Variants in PTPRS observed in about 807,000 individuals in gnomAD.
PTPRS encodes protein tyrosine phosphatase receptor type S.
PTPRS carries 63 observed loss-of-function variants against 215.3 expected under a neutral mutation model. That is an observed-to-expected ratio of 0.29 (90% confidence interval 0.24 to 0.36). The LOEUF (loss-of-function observed/expected upper bound fraction) is 0.36. PTPRS is among the 10% of genes least tolerant of loss of function. The pLI is 1.00. For synonymous variants in PTPRS, 1,404 were observed against 1,191.4 expected (o/e 1.18, Z -3.68); for missense variants, 2,258 against 2,825.8 (o/e 0.80, Z 4.56).
intron 9 of PTPRS, among the ~76,000 whole-genome samples, chr19:5,253,982 G>A (rs1203575458): frequency 6.6e-6 from 1 of 152,112 alleles, no homozygotes; most frequent in Non-Finnish European, 1.5e-5. Flanking sequence ...CTAGTTCAAG[G>A]TCACGTAGCC....
At chr19:5,236,673 G>A (rs984354823) in intron 13 of PTPRS, among the ~76,000 whole-genome samples, 2 of 152,116 alleles carry the variant, frequency 1.3e-5, no homozygotes, top group Admixed American at 6.6e-5. Flanking sequence ...ACCAGAGACT[G>A]CAGAGGCCAC....
At chr19:5,305,269 A>G (rs552022134) in intron 1 of PTPRS, among the ~76,000 whole-genome samples, 1 of 152,224 alleles carries the variant, frequency 6.6e-6, no homozygotes, top group East Asian at 1.9e-4. Flanking sequence ...TTATTTGCCG[A>G]GCATGGTGGC....
intron 1 of PTPRS, among the ~76,000 whole-genome samples, chr19:5,306,161 T>TC (rs1467762541): frequency 1.3e-5 from 2 of 151,082 alleles, no homozygotes; most frequent in African/African-American, 4.9e-5. Context: ...TTTTTTTTTT[T>TC]TGAGACGGAG....
chr19:5,268,388 TA>T (rs1344908796), intron 4 of PTPRS, among the ~76,000 whole-genome samples: 1 of 152,140 alleles, frequency 6.6e-6, no homozygotes, highest in East Asian at 1.9e-4. Context: ...TCTGTTTGTT[TA>T]AAGAATACAC....
intron 21 of PTPRS, 31 bp from the exon 22 acceptor site, chr19:5,220,185 G>A (rs750095035): frequency 1.9e-6 from 3 of 1,608,900 alleles, no homozygotes; most frequent in South Asian, 2.2e-5. Flanking sequence ...GTGGCTCAGA[G>A]CTCAGCTGGG....
Position 5,206,125 on chromosome 19 carries a change from C to A in PTPRS, c.*649G>T, listed in dbSNP as rs372619470. On this transcript the variant is annotated 3_prime_UTR_variant, in exon 38 of 38. Coordinates refer to ENST00000262963, the MANE Select transcript of PTPRS (RefSeq NM_002850.4). ...TGGGCCTGGCGTGCGCGTTTGCGAACGTAACTATCACACAAGGACGCTTTC... is the reference window on the plus strand; with the variant it reads ...TGGGCCTGGCGTGCGCGTTTGCGAAAGTAACTATCACACAAGGACGCTTTC... 7.1e-6 allele frequency among the ~76,000 whole-genome samples: 1 copy of A among 140,134 alleles called. No individual in the cohort carries two copies. Among genetic ancestry groups the A allele is most frequent in the Non-Finnish European group, 1.5e-5 (1 of 66,044 alleles). The allele number at this position is 140,134 out of a possible 152,430, so 91.9% of individuals were successfully genotyped here.
At chr19:5,238,801 C>A in intron 13 of PTPRS, 118 bp downstream of exon 13, 3 of 1,338,406 alleles carry the variant, frequency 2.2e-6, no homozygotes, top group South Asian at 1.6e-5. Flanking sequence ...CGGAGACAGG[C>A]CGGGAGGCGC....
chr19:5,230,535 T>G (rs2042926612), intron 14 of PTPRS, among the ~76,000 whole-genome samples: 1 of 152,210 alleles, frequency 6.6e-6, no homozygotes, highest in Non-Finnish European at 1.5e-5. Flanking sequence ...CACAGCTCAT[T>G]GCAGCCTCAA....
intron 32 of PTPRS, 67 bp downstream of exon 32, chr19:5,211,898 G>A (rs922653164): frequency 1.9e-4 from 297 of 1,554,350 alleles, no homozygotes; most frequent in Non-Finnish European, 2.5e-4. Flanking sequence ...GCTCGAGGCG[G>A]GCCTGATTTT....
At position 5,221,523 on chromosome 19, in the gene PTPRS, C is replaced by A. The variant is rs538629061; in HGVS notation, c.3202-270G>T. Among the ~76,000 whole-genome samples the A allele has an allele frequency of 4.6e-5, 7 of 152,078 alleles. No individual in the cohort carries two copies. The South Asian group carries it at 1.2e-3, about 27-fold the overall frequency. On this transcript the variant is annotated intron_variant, in intron 19 of 37. Transcript: ENST00000262963. Reference sequence around the variant, plus strand: ...AAGCCCACTTTGACTGAGCCCTGATCCCATGCTGAATTCCCAGTCCCGACT... The same window carrying A: ...AAGCCCACTTTGACTGAGCCCTGATACCATGCTGAATTCCCAGTCCCGACT...
rs772182847 is a variant in PTPRS at position 5,286,035 on chromosome 19, G to A, written c.91+15C>T. 8.7e-6 allele frequency: 14 copies of A among 1,609,500 alleles called. No homozygotes were observed. The highest frequency in any genetic ancestry group is 3.3e-5 in the Admixed American group (2 of 59,918). On this transcript the variant is annotated intron_variant, in intron 2 of 37. Transcript: ENST00000262963. Reference sequence around the variant, plus strand: ...AAACACGCAGACCCCTGCACATCCCGTGCCGGCTTCTTACCTTCTGCTGCA... The same window carrying A: ...AAACACGCAGACCCCTGCACATCCCATGCCGGCTTCTTACCTTCTGCTGCA...
intron 12 of PTPRS, among the ~76,000 whole-genome samples, chr19:5,239,297 C>T (rs1004824392): frequency 1.3e-5 from 2 of 148,380 alleles, no homozygotes; most frequent in African/African-American, 2.5e-5. Context: ...AAAGAGGGTA[C>T]GGAGAGAGAC....
At chr19:5,258,266 T>A in intron 7 of PTPRS, 139 bp from the exon 8 acceptor site, 1 of 693,268 alleles carries the variant, frequency 1.4e-6, no homozygotes. Flanking sequence ...TGAGAAAACC[T>A]GGAAGCCCTA....
intron 1 of PTPRS, among the ~76,000 whole-genome samples, chr19:5,302,189 C>G (rs996064446): frequency 6.6e-6 from 1 of 151,914 alleles, no homozygotes; most frequent in Non-Finnish European, 1.5e-5. Context: ...CAAAGAGAGA[C>G]CCCCGTCTCT....
intron 14 of PTPRS, among the ~76,000 whole-genome samples, chr19:5,230,033 A>C (rs551127403): frequency 5.9e-5 from 9 of 152,178 alleles, no homozygotes; most frequent in African/African-American, 2.2e-4. Flanking sequence ...ACATTTGGGG[A>C]AATTGAATCC....
intron 19 of PTPRS, 85 bp downstream of exon 19, chr19:5,222,038 C>T (rs2042020159): frequency 8.7e-7 from 1 of 1,144,614 alleles, no homozygotes; most frequent in Admixed American, 1.7e-5. Flanking sequence ...TCACTTCACA[C>T]CAACTCCAAA....
intron 9 of PTPRS, among the ~76,000 whole-genome samples, chr19:5,253,280 T>G (rs2045295130): frequency 6.6e-6 from 1 of 152,170 alleles, no homozygotes; most frequent in South Asian, 2.1e-4. Context: ...AGCCTGAATA[T>G]TTTACCCCCT....
intron 1 of PTPRS, among the ~76,000 whole-genome samples, chr19:5,307,098 A>G (rs2049522446): frequency 6.6e-6 from 1 of 152,220 alleles, no homozygotes; most frequent in Non-Finnish European, 1.5e-5. Flanking sequence ...TGAGGTCAAG[A>G]ATTCGAGACC....
chr19:5,211,816 A>G (rs377716778), intron 32 of PTPRS, 48 bp from the exon 33 acceptor site: 69 of 1,599,028 alleles, frequency 4.3e-5, no homozygotes, highest in Non-Finnish European at 5.6e-5. Context: ...GAGGAAGGCT[A>G]TGCTTTCAGC....
Sources: allele counts gnomAD v4.1 joint callset (sites outside exome capture counted in the v4.1 genomes callset), GRCh38; gene constraint gnomAD v4.1.1; transcripts MANE v1.5; gene names NCBI Gene and HGNC (gene_info 2026-07-23, HGNC 2026-07-21).